Variants in CEP170 observed in about 807,000 individuals in gnomAD.
The protein encoded by CEP170 is centrosomal protein 170, also known as centrosomal protein of 170 kDa.
In CEP170, 21 loss-of-function variants were observed where a neutral mutation model predicts 151.9. That is an observed-to-expected ratio of 0.14 (90% CI 0.10 to 0.20). The LOEUF (loss-of-function observed/expected upper bound fraction) is 0.20, where lower values mean the gene tolerates loss of function less well. CEP170 is among the 10% of genes least tolerant of loss of function. The pLI, the probability that CEP170 is intolerant of heterozygous loss-of-function variation, is 1.00. For synonymous variants in CEP170, 356 were observed against 648.8 expected (o/e 0.55, Z 6.86); for missense variants, 964 against 1,892.9 (o/e 0.51, Z 9.11).
intron 16 of CEP170, among the ~76,000 whole-genome samples, chr1:243,137,951 T>A (rs1321079277): frequency 6.6e-6 from 1 of 151,902 alleles, no homozygotes; most frequent in Non-Finnish European, 1.5e-5. Context: ...AAGGAAAGGA[T>A]AAATAAGCAA....
At position 243,200,645 on chromosome 1, in the gene CEP170, T is replaced by C. The variant is rs1330605344; in HGVS notation, c.369A>G (p.Gln123=). 6 of 1,534,308 alleles carry C rather than the reference T, an allele frequency of 3.9e-6. No homozygotes were observed. The highest frequency in any genetic ancestry group is 1.4e-5 in the African/African-American group (1 of 72,060). ...EKFTIQLQLS[Q]KSSESELSKS... ...TGGATAATTCTGATTCTGAAGATTT[T>C]TGGGACAACTGAAGCTGAATGGTAA... is the stretch of plus-strand genomic sequence containing the variant. Residue 123 remains glutamine, a synonymous_variant, in exon 6 of 20, where the codon CAA becomes CAG. Transcript: ENST00000366542.
chr1:243,215,223 T>C lies in CEP170; in HGVS notation c.196-3259A>G, dbSNP rs1649362208. ...ATGTCGCCTCAGGACCCTGTGATGA[T>C]TGTGTTAACTGCACAAATTGTTTAA... On this transcript the variant is annotated intron_variant, in intron 3 of 19. Transcript: ENST00000366542. 3.3e-5 allele frequency among the ~76,000 whole-genome samples: 5 copies of C among 152,150 alleles called. No individual in the cohort carries two copies. In the South Asian group the frequency reaches 1.0e-3, roughly 32 times the overall value.
Position 243,183,543 on chromosome 1 carries a change from C to A in CEP170, c.1566+2236G>T, listed in dbSNP as rs963912001. On this transcript the variant is annotated intron_variant, in intron 10 of 19. Transcript: ENST00000366542. ...TCATCTTACTCAGACATGATTACTG[C>A]TTTTATGCTTTTGTTTTCCCAGAGC... 1.3e-5 allele frequency among the ~76,000 whole-genome samples: 2 copies of A among 152,130 alleles called. 1 individual carries two copies. Among genetic ancestry groups the A allele is most frequent in the South Asian group, 4.1e-4 (2 of 4,828 alleles).
chr1:243,162,956 G>A (rs2058179437), intron 13 of CEP170, among the ~76,000 whole-genome samples: 1 of 152,176 alleles, frequency 6.6e-6, no homozygotes, highest in Non-Finnish European at 1.5e-5. Context: ...AATGAGGACT[G>A]GGGTAATAAG....
rs1195900270 is a variant in CEP170 at position 243,126,273 on chromosome 1, T to C, written c.*176A>G. ...TGCATCAAGTGGTTATCTAAATAGT[T>C]TGAAAGGATTGATATACTACATTAT... On this transcript the variant is annotated 3_prime_UTR_variant, in exon 20 of 20. Coordinates refer to ENST00000366542, the MANE Select transcript of CEP170 (RefSeq NM_014812.3). The C allele has an allele frequency of 3.9e-6, 3 of 764,526 alleles. No homozygotes were observed. The highest frequency in any genetic ancestry group is 6.9e-6 in the Non-Finnish European group (3 of 436,042). 47.4% of individuals were successfully genotyped at this position (764,526 alleles called of 1,614,324 possible).
At chr1:243,253,012 G>A (rs1270868591) in intron 1 of CEP170, 5 of 151,996 alleles carry the variant, frequency 3.3e-5, no homozygotes, top group Admixed American at 6.6e-5. Context: ...CTTGTTATGC[G>A]GAAATTTTAT....
intron 1 of CEP170, among the ~76,000 whole-genome samples, chr1:243,236,092 C>T (rs2064223469): frequency 6.6e-6 from 1 of 152,162 alleles, no homozygotes; most frequent in African/African-American, 2.4e-5. Context: ...AGTAACTGTG[C>T]TAATTGCTTC....
intron 4 of CEP170, among the ~76,000 whole-genome samples, chr1:243,206,948 G>A (rs1364101117): frequency 6.6e-6 from 1 of 151,982 alleles, no homozygotes; most frequent in Admixed American, 6.6e-5. Context: ...AGCCAACAAA[G>A]GAGATAAAAT....
intron 4 of CEP170, among the ~76,000 whole-genome samples, chr1:243,210,911 C>T (rs1251674695): frequency 6.6e-6 from 1 of 152,062 alleles, no homozygotes; most frequent in Non-Finnish European, 1.5e-5. Context: ...GTGTGAGCCA[C>T]AGCACCTGGA....
At chr1:243,140,298 G>C (rs909256606) in intron 15 of CEP170, 191 bp from the exon 16 acceptor site, 15 of 822,456 alleles carry the variant, frequency 1.8e-5, no homozygotes, top group Non-Finnish European at 2.2e-5. Flanking sequence ...ATAAAATCGA[G>C]ATTCATCTAC....
chr1:243,225,347 T>C (rs567462863), intron 1 of CEP170, 26 bp from the exon 2 acceptor site: 21 of 929,446 alleles, frequency 2.3e-5, no homozygotes, highest in Non-Finnish European at 3.1e-5. Context: ...AAGAAAAATA[T>C]ACGTTCAGAT....
chr1:243,173,082 C>T (rs80029414), intron 10 of CEP170, among the ~76,000 whole-genome samples: 46,625 of 150,672 alleles, frequency 0.31, 7,565 homozygotes, highest in South Asian at 0.48. Flanking sequence ...TTTTTTGAGA[C>T]GGAGTTTCAC....
At chr1:243,212,730 C>T (rs888938791) in intron 3 of CEP170, among the ~76,000 whole-genome samples, 2 of 151,942 alleles carry the variant, frequency 1.3e-5, no homozygotes, top group Non-Finnish European at 2.9e-5. Flanking sequence ...GTGGTGCGAT[C>T]ATGGTGCACT....
intron 13 of CEP170, among the ~76,000 whole-genome samples, chr1:243,162,462 T>G (rs2058141792): frequency 6.6e-6 from 1 of 152,208 alleles, no homozygotes; most frequent in African/African-American, 2.4e-5. Context: ...AAGACTAAAA[T>G]CATATACATC....
chr1:243,176,330 G>A (rs1359850757), intron 10 of CEP170, among the ~76,000 whole-genome samples: 1 of 152,182 alleles, frequency 6.6e-6, no homozygotes, highest in African/African-American at 2.4e-5. Context: ...AAAGGAAGGC[G>A]GAATAGGACA....
intron 1 of CEP170, among the ~76,000 whole-genome samples, chr1:243,243,256 A>G (rs1285851664): frequency 6.6e-6 from 1 of 152,118 alleles, no homozygotes; most frequent in Non-Finnish European, 1.5e-5. Context: ...GTCATAGGGT[A>G]AAACATAAAG....
chr1:243,204,456 A>G (rs1338158237), intron 4 of CEP170, among the ~76,000 whole-genome samples: 1 of 152,192 alleles, frequency 6.6e-6, no homozygotes, highest in Non-Finnish European at 1.5e-5. Flanking sequence ...AAATACATAA[A>G]TCACAATTTT....
chr1:243,228,552 T>C (rs2063480582), intron 1 of CEP170, among the ~76,000 whole-genome samples: 1 of 152,244 alleles, frequency 6.6e-6, no homozygotes, highest in Admixed American at 6.5e-5. Flanking sequence ...ATTTGCATAC[T>C]GTATTTTCAG....
At chr1:243,227,606 AAAAC>A (rs1051535049) in intron 1 of CEP170, among the ~76,000 whole-genome samples, 29 of 152,224 alleles carry the variant, frequency 1.9e-4, no homozygotes, top group Admixed American at 1.7e-3. Context: ...ACTGGCTTAA[AAAAC>A]AAACAAACAA....
Sources: allele counts gnomAD v4.1 joint callset (sites outside exome capture counted in the v4.1 genomes callset), GRCh38; gene constraint gnomAD v4.1.1; transcripts MANE v1.5; gene names NCBI Gene and HGNC (gene_info 2026-07-23, HGNC 2026-07-21).